Variants in NCKAP1L observed in about 807,000 individuals in gnomAD.
The protein encoded by NCKAP1L is nck-associated protein 1-like.
Under a neutral mutation model 139.2 loss-of-function variants are expected in NCKAP1L, and 53 were observed. That is an observed-to-expected ratio of 0.38 (90% CI 0.31 to 0.48). The LOEUF (loss-of-function observed/expected upper bound fraction) is 0.48, where lower values mean the gene tolerates loss of function less well. Ranked by LOEUF, NCKAP1L falls within the 20% of genes least tolerant of loss-of-function variation. The pLI, the probability that NCKAP1L is intolerant of heterozygous loss-of-function variation, is 0.98. For synonymous variants in NCKAP1L, 468 were observed against 499.7 expected (o/e 0.94, Z 0.85); for missense variants, 1,151 against 1,381.9 (o/e 0.83, Z 2.65).
At position 54,525,010 on chromosome 12, in the gene NCKAP1L, G is replaced by T. The variant is rs142161645; in HGVS notation, c.2156+1054G>T. Among the ~76,000 whole-genome samples, 94 of 152,320 alleles carry T rather than the reference G, an allele frequency of 6.2e-4. 1 individual carries two copies. Among genetic ancestry groups the T allele is most frequent in the African/African-American group, 2.2e-3 (92 of 41,566 alleles). ...AAACAGCAAGTGCAAAGGCTCTGAGGTTCGAACATGCCTTCTAGGTTCAAG... is the reference window on the plus strand; with the variant it reads ...AAACAGCAAGTGCAAAGGCTCTGAGTTTCGAACATGCCTTCTAGGTTCAAG... On this transcript the variant is annotated intron_variant, in intron 20 of 30. Transcript: ENST00000293373.
chr12:54,523,438 C>G lies in NCKAP1L; in HGVS notation c.1923C>G (p.Asn641Lys). 1 of 1,614,068 alleles carries G rather than the reference C, an allele frequency of 6.2e-7. No homozygotes were observed. Among genetic ancestry groups the G allele is most frequent in the East Asian group, 2.2e-5 (1 of 44,874 alleles). Residue 641 changes from asparagine (N) to lysine (K), a missense_variant, in exon 19 of 31, where the codon AAC becomes AAG. Coordinates refer to ENST00000293373, the MANE Select transcript of NCKAP1L (RefSeq NM_005337.5). ...HCATTISKAK[N>K]KKTRKQRQTP... is the part of the protein sequence containing the mutation. ...CCACTACAATCAGCAAAGCCAAGAA[C>G]AAGAAAACCAGGAAGCAGAGGCAGA...
At chr12:54,521,373 C>A in intron 18 of NCKAP1L, 135 bp downstream of exon 18, 1 of 1,233,894 alleles carries the variant, frequency 8.1e-7, no homozygotes, top group Non-Finnish European at 1.1e-6. Context: ...CCTTTCTGTA[C>A]TTGAGTTTAT....
At chr12:54,526,774 C>T in intron 21 of NCKAP1L, 28 bp downstream of exon 21, 1 of 1,590,482 alleles carries the variant, frequency 6.3e-7, no homozygotes, top group Non-Finnish European at 8.6e-7. Context: ...TTTTCCACTG[C>T]CTTACTTTGT....
At chr12:54,526,451 A>G (rs576389359) in intron 20 of NCKAP1L, 77 bp from the exon 21 acceptor site, 3 of 1,167,600 alleles carry the variant, frequency 2.6e-6, no homozygotes, top group Admixed American at 3.7e-5. Context: ...CACCTGGAAC[A>G]CAATATACAC....
chr12:54,527,073 A>G (rs1957032602), intron 21 of NCKAP1L, among the ~76,000 whole-genome samples: 2 of 152,086 alleles, frequency 1.3e-5, no homozygotes, highest in Admixed American at 1.3e-4. Flanking sequence ...TCCTCTTTCC[A>G]AAGTTCTCTT....
rs2120959765 is a variant in NCKAP1L, at chr12:54,532,062, T to G, written c.2782-108T>G. 4.4e-6 allele frequency: 4 copies of G among 910,946 alleles called. No individual in the cohort carries two copies. In the East Asian group the frequency reaches 1.1e-4, roughly 24 times the overall value. The allele number at this position is 910,946 out of a possible 1,614,324, so 56.4% of individuals were successfully genotyped here. On this transcript the variant is annotated intron_variant, in intron 25 of 30. Transcript: ENST00000293373. The stretch of plus-strand genomic sequence containing the variant: ...GGGATGGCTTGGAAAGCTGGCTAGG[T>G]TCTTATCTAAATTGAGTGCCCCTCC...
At chr12:54,524,348 T>G (rs566641417) in intron 20 of NCKAP1L, among the ~76,000 whole-genome samples, 1 of 152,336 alleles carries the variant, frequency 6.6e-6, no homozygotes, top group South Asian at 2.1e-4. Context: ...ACCTTATTTA[T>G]GGATAATTGA....
At chr12:54,504,866 T>G (rs1237810861) in intron 3 of NCKAP1L, among the ~76,000 whole-genome samples, 2 of 152,240 alleles carry the variant, frequency 1.3e-5, no homozygotes, top group Non-Finnish European at 2.9e-5. Flanking sequence ...CACATGTTAT[T>G]TCCGTTCCCT....
chr12:54,519,286 TC>T lies in NCKAP1L; in HGVS notation c.1581del (p.Val528Ter). ...TGTCTTCCACTCCCGAATGCTGGACTCCGTAGAAAAATTGCTGGTGGAAACT... is the reference window on the plus strand; with the variant it reads ...TGTCTTCCACTCCCGAATGCTGGACTCGTAGAAAAATTGCTGGTGGAAACT... ...LIVFHSRMLDSVEKLLVETSD... is the reference protein window; with the variant it reads ...LIVFHSRMLDXVEKLLVETSD... On this transcript the variant is annotated frameshift_variant, in exon 16 of 31. Coordinates refer to ENST00000293373, the MANE Select transcript of NCKAP1L (RefSeq NM_005337.5). LOFTEE classifies it high-confidence loss of function. 1 of 1,587,548 alleles carries T rather than the reference TC, an allele frequency of 6.3e-7. No individual in the cohort carries two copies. Among genetic ancestry groups the T allele is most frequent in the Non-Finnish European group, 8.5e-7 (1 of 1,173,306 alleles).
intron 13 of NCKAP1L, among the ~76,000 whole-genome samples, chr12:54,518,279 T>C (rs1246740187): frequency 6.6e-6 from 1 of 151,618 alleles, no homozygotes; most frequent in African/African-American, 2.4e-5. Flanking sequence ...GAGGCAGAGC[T>C]TGCAGTGAGC....
intron 3 of NCKAP1L, among the ~76,000 whole-genome samples, chr12:54,502,823 CAAAAAAA>C (rs780466592): frequency 3.5e-5 from 2 of 57,958 alleles, no homozygotes; most frequent in Admixed American, 2.6e-4. Flanking sequence ...CCCATCTACA[CAAAAAAA>C]AAAAAAAAAA....
At chr12:54,542,296 G>C (rs1005900972) in intron 30 of NCKAP1L, among the ~76,000 whole-genome samples, 3 of 152,160 alleles carry the variant, frequency 2.0e-5, no homozygotes, top group Non-Finnish European at 4.4e-5. Flanking sequence ...GAGAGAATGG[G>C]TTTTGCTGCA....
rs375305246 is a variant in NCKAP1L, at chr12:54,517,856, G to A, written c.1256G>A (p.Arg419Gln). 6.9e-5 allele frequency: 112 copies of A among 1,614,100 alleles called. No individual in the cohort carries two copies. Among genetic ancestry groups the A allele is most frequent in the South Asian group, 4.9e-4 (45 of 91,076 alleles). Residue 419 changes from arginine to glutamine, a missense_variant, in exon 13 of 31, where the codon CGA becomes CAA. By Grantham distance (43) the Arg-to-Gln change is conservative (BLOSUM62 1). Coordinates refer to ENST00000293373, the MANE Select transcript of NCKAP1L (RefSeq NM_005337.5). ...FLLEGIRSLV[R>Q]RHIKVIQQYH... is the part of the protein sequence containing the mutation. The stretch of plus-strand genomic sequence containing the variant: ...TTGGAGGGGATTAGGTCTCTGGTCC[G>A]AAGACACATCAAAGTGATACAGCAA...
At chr12:54,509,252 A>G (rs1408668813) in intron 5 of NCKAP1L, among the ~76,000 whole-genome samples, 1 of 152,182 alleles carries the variant, frequency 6.6e-6, no homozygotes, top group Admixed American at 6.5e-5. Context: ...TCATTCTATG[A>G]TGATGTGTAT....
chr12:54,506,796 A>AAAATATATATATATATATAT, intron 3 of NCKAP1L, among the ~76,000 whole-genome samples: 98 of 50,586 alleles, frequency 1.9e-3, no homozygotes, highest in South Asian at 3.5e-3. Context: ...AAAAAAAAAA[A>AAAATATATATATATATATAT]ATATATATAT....
At chr12:54,511,896 A>G in intron 8 of NCKAP1L, 45 bp downstream of exon 8, 1 of 1,614,120 alleles carries the variant, frequency 6.2e-7, no homozygotes, top group South Asian at 1.1e-5. Context: ...GCAGTATGTT[A>G]TATGAAGAAC....
rs767726189 is a variant in NCKAP1L, at chr12:54,520,768, C to T, written c.1700C>T (p.Ala567Val). 2.5e-6 allele frequency: 4 copies of T among 1,614,094 alleles called. No homozygotes were observed. In the African/African-American group the frequency reaches 5.3e-5, roughly 22 times the overall value. Reference sequence around the variant, plus strand: ...TCTGCCATGTTGCGTTATGCCATTGCTTTCCCCCTGATTTGTGCTCACTTT... The same window carrying T: ...TCTGCCATGTTGCGTTATGCCATTGTTTTCCCCCTGATTTGTGCTCACTTT... Reference protein sequence around the residue: ...EESAMLRYAIAFPLICAHFVH... With the variant: ...EESAMLRYAIVFPLICAHFVH... The change falls in exon 17 of 31, where the codon GCT becomes GTT. Residue 567 changes from alanine (A) to valine (V), a missense_variant. By Grantham distance (64) the Ala-to-Val change is moderately conservative (BLOSUM62 0). Transcript: ENST00000293373.
In NCKAP1L at chr12:54,529,253, C is replaced by T. The variant is rs556883227; in HGVS notation, c.2506+876C>T. On this transcript the variant is annotated intron_variant, in intron 22 of 30. Transcript: ENST00000293373. ...AACTGGGGGCTTAAGCACTGTACAGCGCTGCCTTCCAGTGTCTAGAAGTGC... is the reference window on the plus strand; with the variant it reads ...AACTGGGGGCTTAAGCACTGTACAGTGCTGCCTTCCAGTGTCTAGAAGTGC... Among the ~76,000 whole-genome samples, 17 of 152,174 alleles carry T rather than the reference C, an allele frequency of 1.1e-4. No individual in the cohort carries two copies. In the South Asian group the frequency reaches 3.5e-3, roughly 32 times the overall value.
chr12:54,538,895 C>T lies in NCKAP1L; in HGVS notation c.3195C>T (p.Val1065=). 6.2e-7 allele frequency: 1 copy of T among 1,613,998 alleles called. No individual in the cohort carries two copies. Among genetic ancestry groups the T allele is most frequent in the Non-Finnish European group, 8.5e-7 (1 of 1,179,914 alleles). The change falls in exon 30 of 31, where the codon GTC becomes GTT. Residue 1065 remains valine, a synonymous_variant. Transcript: ENST00000293373. ...TTCTTCCCTTACAGGTGGCCTCTGTCAGCCTCTTGCAGCTGGGCCAGGAGA... is the reference window on the plus strand; with the variant it reads ...TTCTTCCCTTACAGGTGGCCTCTGTTAGCCTCTTGCAGCTGGGCCAGGAGA... The part of the protein sequence containing the change: ...HLKEFLVVAS[V]SLLQLGQETD...
Sources: gnomAD v4.1 joint callset for allele counts (sites outside exome capture counted in the v4.1 genomes callset) on GRCh38, gnomAD v4.1.1 for gene constraint, MANE v1.5 for transcripts, NCBI Gene and HGNC (gene_info 2026-07-23, HGNC 2026-07-21) for gene names.